Variants in KMT2C observed in about 807,000 individuals in gnomAD.
KMT2C encodes histone-lysine N-methyltransferase 2C.
In KMT2C, 88 loss-of-function variants were observed where a neutral mutation model predicts 507.9. The ratio of observed to expected loss-of-function variants is 0.17; its 90% CI spans 0.15 to 0.21. KMT2C has a LOEUF of 0.21. KMT2C is among the 10% of genes least tolerant of loss of function. The pLI is 1.00. For missense variants in KMT2C, 4,954 were observed against 5,957.8 expected (o/e 0.83, Z 5.55); for synonymous variants, 2,049 against 2,080.8 (o/e 0.98, Z 0.42).
chr7:152,310,172 G>A (rs1163468705), intron 5 of KMT2C, 97 bp from the exon 6 acceptor site: 1 of 769,492 alleles, frequency 1.3e-6, no homozygotes, highest in Non-Finnish European at 2.2e-6. Context: ...ACTCTAATAT[G>A]TAAATATACA....
In KMT2C at chr7:152,290,123, C is replaced by T. The variant is rs527467853; in HGVS notation, c.850-16256G>A. ...GGAATATCTGGATCACTCAGTGAAC[C>T]AATATTTTCCAAAGACCACTTAGTA... On this transcript the variant is annotated intron_variant, in intron 6 of 58. Transcript: ENST00000262189. 1.3e-4 allele frequency among the ~76,000 whole-genome samples: 19 copies of T among 150,150 alleles called. No individual in the cohort carries two copies. The South Asian group carries it at 2.1e-3, about 17-fold the overall frequency.
At chr7:152,222,875 G>A (rs2094818390) in intron 20 of KMT2C, among the ~76,000 whole-genome samples, 193 bp from the exon 21 acceptor site, 1 of 152,016 alleles carries the variant, frequency 6.6e-6, no homozygotes, top group Non-Finnish European at 1.5e-5. Context: ...GAAATAAAAA[G>A]GAATGAGAAC....
intron 54 of KMT2C, 133 bp from the exon 55 acceptor site, chr7:152,145,014 C>T: frequency 7.4e-7 from 1 of 1,359,384 alleles, no homozygotes; most frequent in East Asian, 2.4e-5. Context: ...AGCAGAGACA[C>T]ACGGCGAGTT....
At chr7:152,311,009 C>T (rs901489633) in intron 5 of KMT2C, among the ~76,000 whole-genome samples, 1 of 151,878 alleles carries the variant, frequency 6.6e-6, no homozygotes, top group Non-Finnish European at 1.5e-5. Flanking sequence ...TTTAACAAGC[C>T]GTCTGGTTAT....
At chr7:152,326,838 G>A (rs2096833423) in intron 3 of KMT2C, among the ~76,000 whole-genome samples, 12 of 152,254 alleles carry the variant, frequency 7.9e-5, no homozygotes, top group African/African-American at 2.9e-4. Flanking sequence ...CTGAGATCGT[G>A]CCACTGCACT....
intron 1 of KMT2C, among the ~76,000 whole-genome samples, chr7:152,372,738 A>C (rs1383070089): frequency 6.6e-6 from 1 of 152,170 alleles, no homozygotes; most frequent in African/African-American, 2.4e-5. Context: ...AATAGAACTA[A>C]AGGGGGAAAT....
intron 40 of KMT2C, 133 bp from the exon 41 acceptor site, chr7:152,169,382 T>C (rs559472648): frequency 3.2e-6 from 2 of 620,450 alleles, no homozygotes; most frequent in East Asian, 2.8e-5. Context: ...CTTTTAAAGG[T>C]TTTTTTATAA....
At chr7:152,169,341 G>T in intron 40 of KMT2C, 92 bp from the exon 41 acceptor site, 1 of 734,030 alleles carries the variant, frequency 1.4e-6, no homozygotes, top group Non-Finnish European at 2.3e-6. Flanking sequence ...AAAAGAAATG[G>T]AAGAAAAAAC....
At chr7:152,366,195 C>A (rs1467727083) in intron 1 of KMT2C, among the ~76,000 whole-genome samples, 1 of 151,976 alleles carries the variant, frequency 6.6e-6, no homozygotes, top group Non-Finnish European at 1.5e-5. Flanking sequence ...GTTTCTCAAG[C>A]AGTTAAAAAT....
At position 152,250,892 on chromosome 7, in the gene KMT2C, C is replaced by T. The variant is rs2095552573; in HGVS notation, c.1696G>A (p.Val566Ile). 1.2e-6 allele frequency: 2 copies of T among 1,609,706 alleles called. No individual in the cohort carries two copies. The highest frequency in any genetic ancestry group is 1.7e-6 in the Non-Finnish European group (2 of 1,176,082). Residue 566 changes from valine (V) to isoleucine (I), a missense_variant, in exon 12 of 59, where the codon GTC becomes ATC. Around this residue, in one of 29 missense-constraint regions of KMT2C, gnomAD observed 376 missense variants for 352.4 expected, o/e 1.07. Transcript: ENST00000262189. ...VFSEQAANKD[V>I]NGQESTPGIV... ...CCAGGAGTGGACTCCTGACCGTTGA[C>T]ATCTTTATTAGCTGCCTGCTCTGAG...
At chr7:152,150,842 C>G in intron 51 of KMT2C, 58 bp downstream of exon 51, 2 of 1,189,998 alleles carry the variant, frequency 1.7e-6, no homozygotes, top group Non-Finnish European at 2.5e-6. Context: ...CCCATATGCC[C>G]AGAACACAGA....
chr7:152,328,416 C>T (rs1232877719), intron 3 of KMT2C, among the ~76,000 whole-genome samples: 1 of 152,068 alleles, frequency 6.6e-6, no homozygotes, highest in African/African-American at 2.4e-5. Flanking sequence ...AGAGCAAGCA[C>T]CAAAGCTCTC....
At chr7:152,409,578 A>AT (rs979088647) in intron 1 of KMT2C, among the ~76,000 whole-genome samples, 1 of 149,668 alleles carries the variant, frequency 6.7e-6, no homozygotes, top group African/African-American at 2.5e-5. Flanking sequence ...AAAAAAAAAA[A>AT]AAATTAGCCA....
At chr7:152,297,224 T>TA (rs1202668670) in intron 6 of KMT2C, among the ~76,000 whole-genome samples, 1 of 151,896 alleles carries the variant, frequency 6.6e-6, no homozygotes, top group Non-Finnish European at 1.5e-5. Flanking sequence ...CACACAACGA[T>TA]AAGAGTTTCC....
chr7:152,364,227 G>C (rs899236284), intron 1 of KMT2C, among the ~76,000 whole-genome samples: 9 of 152,242 alleles, frequency 5.9e-5, no homozygotes, highest in African/African-American at 1.9e-4. Flanking sequence ...ATATGCGCAA[G>C]AATGTAAAGA....
At chr7:152,189,747 G>A (rs567585746) in intron 31 of KMT2C, among the ~76,000 whole-genome samples, 4 of 152,274 alleles carry the variant, frequency 2.6e-5, no homozygotes, top group Middle Eastern at 3.4e-3. Context: ...ACTGGATCAG[G>A]TTTTCACAAT....
chr7:152,272,874 C>A (rs1158763598), intron 7 of KMT2C, among the ~76,000 whole-genome samples: 2 of 152,004 alleles, frequency 1.3e-5, no homozygotes, highest in East Asian at 1.9e-4. Flanking sequence ...AGGAAAAAAG[C>A]TTTTATTAAC....
At chr7:152,261,996 C>T (rs1202483894) in intron 9 of KMT2C, among the ~76,000 whole-genome samples, 2 of 152,066 alleles carry the variant, frequency 1.3e-5, no homozygotes, top group East Asian at 3.9e-4. Flanking sequence ...AAGCCCCTCC[C>T]CTCAACCCCC....
chr7:152,284,205 T>C (rs2096262985), intron 6 of KMT2C, among the ~76,000 whole-genome samples: 1 of 151,820 alleles, frequency 6.6e-6, no homozygotes, highest in Non-Finnish European at 1.5e-5. Context: ...AACATAAATA[T>C]CAACTCATGA....
Sources: gnomAD v4.1 joint callset for allele counts (sites outside exome capture counted in the v4.1 genomes callset) on GRCh38, gnomAD v4.1.1 for gene constraint, gnomAD v4.1.1 regional missense constraint, MANE v1.5 for transcripts, NCBI Gene and HGNC (gene_info 2026-07-23, HGNC 2026-07-21) for gene names.